The following SCD5 variants were observed in gnomAD, a reference collection of about 807,000 sequenced individuals.
The protein encoded by SCD5 is stearoyl-CoA desaturase 5.
SCD5 carries 20 observed loss-of-function variants against 30.4 expected under a neutral mutation model. The observed-to-expected ratio is 0.66, with a 90% CI of 0.46 to 0.96. The LOEUF (loss-of-function observed/expected upper bound fraction) is 0.96. Ranked by LOEUF, SCD5 falls within the 40% of genes least tolerant of loss-of-function variation. SCD5 has a pLI of 0.00. For missense variants in SCD5, 381 were observed against 443.3 expected (o/e 0.86, Z 1.26); for synonymous variants, 173 against 176.4 (o/e 0.98, Z 0.16).
chr4:82,771,248 C>T (rs1377828700), intron 1 of SCD5, among the ~76,000 whole-genome samples: 2 of 152,166 alleles, frequency 1.3e-5, no homozygotes, highest in African/African-American at 4.8e-5. Flanking sequence ...GGATTACAGG[C>T]ACGAGCCAAT....
At chr4:82,719,677 G>C (rs1200147205) in intron 1 of SCD5, among the ~76,000 whole-genome samples, 16 of 149,438 alleles carry the variant, frequency 1.1e-4, no homozygotes, top group Admixed American at 1.1e-3. Flanking sequence ...CTAATTTTTT[G>C]TATATTTAGT....
intron 3 of SCD5, among the ~76,000 whole-genome samples, chr4:82,672,363 G>T (rs1578014934): frequency 6.6e-6 from 1 of 151,982 alleles, no homozygotes; most frequent in Non-Finnish European, 1.5e-5. Flanking sequence ...TCAAAGAGGG[G>T]ACACCCCTAC....
Position 82,631,305 on chromosome 4 carries a change from A to C in SCD5, c.*22T>G. On this transcript the variant is annotated 3_prime_UTR_variant, in exon 5 of 5. Coordinates refer to ENST00000319540, the MANE Select transcript of SCD5 (RefSeq NM_001037582.3). ...ATGAACCGAGGTTGCAACGGCAGAC[A>C]TGTGGGATGGCTGTTCCAAGTTCAA... 6.2e-7 allele frequency: 1 copy of C among 1,606,830 alleles called. No individual in the cohort carries two copies. Among genetic ancestry groups the C allele is most frequent in the South Asian group, 1.1e-5 (1 of 90,606 alleles).
At chr4:82,684,194 A>G (rs1728646308) in intron 2 of SCD5, among the ~76,000 whole-genome samples, 1 of 152,218 alleles carries the variant, frequency 6.6e-6, no homozygotes, top group Non-Finnish European at 1.5e-5. Context: ...CAATAGTGGA[A>G]TGAAGCAAGT....
intron 1 of SCD5, among the ~76,000 whole-genome samples, chr4:82,714,804 A>G (rs71597919): frequency 0.24 from 36,773 of 152,048 alleles, 4,568 homozygotes; most frequent in Admixed American, 0.33. Context: ...ACCAGTAAGT[A>G]TATGGCAAAT....
rs1361607958 is a variant in SCD5 at position 82,711,857 on chromosome 4, T to C, written c.233-6444A>G. Among the ~76,000 whole-genome samples the C allele has an allele frequency of 7.9e-5, 12 of 152,212 alleles. No homozygotes were observed. The East Asian group carries it at 1.5e-3, about 20-fold the overall frequency. On this transcript the variant is annotated intron_variant, in intron 1 of 4. Coordinates refer to ENST00000319540, the MANE Select transcript of SCD5 (RefSeq NM_001037582.3). Reference sequence around the variant, plus strand: ...CTGTCCTTGATTCTTCGCACCTCTCTAGTTTCATGGGGAGCTCTAGGAGCA... The same window carrying C: ...CTGTCCTTGATTCTTCGCACCTCTCCAGTTTCATGGGGAGCTCTAGGAGCA...
chr4:82,783,833 T>TA (rs988936301), intron 1 of SCD5, among the ~76,000 whole-genome samples: 8 of 150,960 alleles, frequency 5.3e-5, no homozygotes, highest in African/African-American at 1.9e-4. Context: ...AAATTAAAAT[T>TA]AAAAAAAAGA....
intron 1 of SCD5, among the ~76,000 whole-genome samples, chr4:82,782,385 T>C (rs1205100165): frequency 1.3e-5 from 2 of 152,108 alleles, no homozygotes; most frequent in Non-Finnish European, 2.9e-5. Flanking sequence ...AGCATCAGTG[T>C]GCTTGTCCGG....
intron 3 of SCD5, among the ~76,000 whole-genome samples, chr4:82,675,251 C>T (rs1016491415): frequency 6.6e-6 from 1 of 152,092 alleles, no homozygotes; most frequent in African/African-American, 2.4e-5. Flanking sequence ...ATCTCTGAAC[C>T]TTCCTCTCAA....
intron 3 of SCD5, among the ~76,000 whole-genome samples, chr4:82,668,208 C>G (rs1162094467): frequency 6.6e-6 from 1 of 152,102 alleles, no homozygotes; most frequent in Non-Finnish European, 1.5e-5. Context: ...AGGAACAAAG[C>G]TGTCTGGCAG....
At chr4:82,654,525 T>G (rs566485618) in intron 3 of SCD5, among the ~76,000 whole-genome samples, 1 of 152,370 alleles carries the variant, frequency 6.6e-6, no homozygotes, top group East Asian at 1.9e-4. Flanking sequence ...CATTTTTTTT[T>G]GAAGGCGTGA....
rs778480466 is a variant in SCD5 at position 82,720,441 on chromosome 4, T to TACAAAAAAAAAAAAAAAAAAAAA, written c.233-15029_233-15028insTTTTTTTTTTTTTTTTTTTTTGT. On this transcript the variant is annotated intron_variant, in intron 1 of 4. Coordinates refer to ENST00000319540, the MANE Select transcript of SCD5 (RefSeq NM_001037582.3). Reference sequence around the variant, plus strand: ...GATGCTGTCTCAAAAAAGGCAAAAATAAAAAAAAAAAAAAAAAAAAAAGAC... The same window carrying TACAAAAAAAAAAAAAAAAAAAAA: ...GATGCTGTCTCAAAAAAGGCAAAAATACAAAAAAAAAAAAAAAAAAAAAAAAAAAAAAAAAAAAAAAAAAAGAC... Among the ~76,000 whole-genome samples, 22 of 77,888 alleles carry TACAAAAAAAAAAAAAAAAAAAAA rather than the reference T, an allele frequency of 2.8e-4. 1 individual carries two copies. The highest frequency in any genetic ancestry group is 5.0e-4 in the South Asian group (1 of 1,988). 51.1% of individuals were successfully genotyped at this position (77,888 alleles called of 152,430 possible). A position where few individuals can be genotyped will look rare whatever the true frequency, so the allele number is the denominator to read the frequency against.
intron 1 of SCD5, among the ~76,000 whole-genome samples, chr4:82,764,195 T>A (rs1317847467): frequency 2.0e-5 from 3 of 152,178 alleles, no homozygotes; most frequent in Non-Finnish European, 2.9e-5. Flanking sequence ...AAATTAAAAA[T>A]TCAGTTCACG....
chr4:82,724,527 A>C (rs538814735), intron 1 of SCD5, among the ~76,000 whole-genome samples: 30 of 152,214 alleles, frequency 2.0e-4, no homozygotes, highest in Admixed American at 5.9e-4. Context: ...ACTTAAATAC[A>C]TGCATACCTC....
chr4:82,768,326 T>C (rs74501126), intron 1 of SCD5, among the ~76,000 whole-genome samples: 2,845 of 152,262 alleles, frequency 0.019, 86 homozygotes, highest in African/African-American at 0.066. Context: ...ATCTGATAAA[T>C]TGAAAACACT....
intron 1 of SCD5, among the ~76,000 whole-genome samples, chr4:82,776,876 T>C (rs1170747605): frequency 6.6e-6 from 1 of 152,250 alleles, no homozygotes; most frequent in Non-Finnish European, 1.5e-5. Context: ...AGTAGATTGT[T>C]GGGACTGACT....
chr4:82,708,017 T>G (rs963907725), intron 1 of SCD5, among the ~76,000 whole-genome samples: 1 of 152,230 alleles, frequency 6.6e-6, no homozygotes, highest in Non-Finnish European at 1.5e-5. Flanking sequence ...AGGTACATCT[T>G]AAATCCTGAT....
intron 2 of SCD5, among the ~76,000 whole-genome samples, chr4:82,703,072 C>G (rs4693490): frequency 0.13 from 20,003 of 152,158 alleles, 1,560 homozygotes; most frequent in East Asian, 0.4. Flanking sequence ...TCCTACTAGA[C>G]AGAAAAGCTC....
chr4:82,698,186 G>A (rs1459925194), intron 2 of SCD5: 3 of 452,540 alleles, frequency 6.6e-6, no homozygotes, highest in Non-Finnish European at 1.3e-5. Flanking sequence ...CTGAAGCTTA[G>A]GCTCATGGCT....
Sources: gnomAD v4.1 joint callset for allele counts (sites outside exome capture counted in the v4.1 genomes callset) on GRCh38, gnomAD v4.1.1 for gene constraint, MANE v1.5 for transcripts, NCBI Gene and HGNC (gene_info 2026-07-23, HGNC 2026-07-21) for gene names.